DNER: variants seen among roughly 807,000 people sequenced by gnomAD.
DNER encodes the protein delta/notch like EGF repeat containing.
A neutral mutation model predicts 78.2 loss-of-function variants in DNER; 33 were observed. The observed-to-expected ratio is 0.42, with a 90% CI of 0.32 to 0.56. DNER has a LOEUF of 0.56. Among genes scored for constraint, DNER ranks in the 20% least tolerant of loss-of-function variants. The pLI is 0.11. For synonymous variants in DNER, 417 were observed against 384.8 expected (o/e 1.08, Z -0.98); for missense variants, 918 against 975.3 (o/e 0.94, Z 0.78).
chr2:229,627,711 G>A (rs1162977852), intron 1 of DNER, among the ~76,000 whole-genome samples: 2 of 152,178 alleles, frequency 1.3e-5, no homozygotes, highest in African/African-American at 4.8e-5. Flanking sequence ...AACAAGCTGT[G>A]ACCAGCAAGT....
Position 229,447,500 on chromosome 2 carries a change from G to A in DNER, c.1302C>T (p.Cys434=), listed in dbSNP as rs140576705. 1.1e-3 allele frequency: 1,732 copies of A among 1,614,160 alleles called. 16 individuals carry two copies. The African/African-American group carries it at 0.015, about 14-fold the overall frequency. The change falls in exon 8 of 13, where the codon TGC becomes TGT. Residue 434 remains cysteine (C), a synonymous_variant. Transcript: ENST00000341772. ...CGTTGTTCTGGCACGGAGACGAGGCGCAGGGGTCCACCTTTTCTTCACAAG... is the reference window on the plus strand; with the variant it reads ...CGTTGTTCTGGCACGGAGACGAGGCACAGGGGTCCACCTTTTCTTCACAAG... ...GSACEEKVDP[C]ASSPCQNNGT... is the part of the protein sequence containing the mutation.
intron 1 of DNER, among the ~76,000 whole-genome samples, chr2:229,681,081 C>A (rs1031308043): frequency 6.6e-6 from 1 of 152,206 alleles, no homozygotes; most frequent in Admixed American, 6.5e-5. Context: ...ACAACCAGCT[C>A]TCTGAGGAAG....
At chr2:229,530,815 T>A (rs1313900670) in intron 5 of DNER, among the ~76,000 whole-genome samples, 2 of 152,254 alleles carry the variant, frequency 1.3e-5, no homozygotes, top group Non-Finnish European at 1.5e-5. Flanking sequence ...ATGCTCATTA[T>A]GTGAAAGAAA....
At chr2:229,400,391 C>T (rs1693241845) in intron 10 of DNER, among the ~76,000 whole-genome samples, 1 of 151,836 alleles carries the variant, frequency 6.6e-6, no homozygotes. Context: ...CAGCTTAGCA[C>T]CCAAATCTTG....
At chr2:229,419,050 G>T (rs375398327) in intron 8 of DNER, among the ~76,000 whole-genome samples, 1 of 152,070 alleles carries the variant, frequency 6.6e-6, no homozygotes, top group Admixed American at 6.6e-5. Context: ...AAATGTGAGG[G>T]TATTTTTGTT....
intron 9 of DNER, among the ~76,000 whole-genome samples, chr2:229,417,211 G>A (rs900538972): frequency 6.6e-6 from 1 of 152,126 alleles, no homozygotes; most frequent in African/African-American, 2.4e-5. Context: ...TTGCCAAAAA[G>A]GTTACTAAAT....
At chr2:229,592,609 T>A (rs766716288) in intron 1 of DNER, among the ~76,000 whole-genome samples, 2 of 152,150 alleles carry the variant, frequency 1.3e-5, no homozygotes, top group African/African-American at 2.4e-5. Context: ...ATTATGCTCA[T>A]GGTCTGGGGA....
intron 1 of DNER, among the ~76,000 whole-genome samples, chr2:229,636,563 T>G (rs1232127035): frequency 1.3e-5 from 2 of 152,208 alleles, no homozygotes; most frequent in African/African-American, 4.8e-5. Flanking sequence ...TCCAAAAGCG[T>G]AGCTCACTAA....
chr2:229,623,589 G>T (rs914175755), intron 1 of DNER, among the ~76,000 whole-genome samples: 1 of 152,210 alleles, frequency 6.6e-6, no homozygotes, highest in African/African-American at 2.4e-5. Context: ...TGGCATTTGA[G>T]TTTCAAAACC....
chr2:229,449,459 AT>A (rs1694406956), intron 7 of DNER, among the ~76,000 whole-genome samples: 2 of 151,938 alleles, frequency 1.3e-5, no homozygotes, highest in Non-Finnish European at 2.9e-5. Flanking sequence ...GTCATTCAAT[AT>A]TTTTTTCTTA....
In DNER at chr2:229,474,171, G is replaced by T. The variant is rs538687590; in HGVS notation, c.1261+2969C>A. Among the ~76,000 whole-genome samples the T allele has an allele frequency of 4.6e-5, 7 of 152,292 alleles. No homozygotes were observed. In the East Asian group the frequency reaches 1.4e-3, roughly 29 times the overall value. Reference sequence around the variant, plus strand: ...TCCGCCCACCTTGGCCTCCCAGAGTGCTGGGATTACAGGCATAAGCCACCA... The same window carrying T: ...TCCGCCCACCTTGGCCTCCCAGAGTTCTGGGATTACAGGCATAAGCCACCA... On this transcript the variant is annotated intron_variant, in intron 7 of 12. Transcript: ENST00000341772.
chr2:229,537,256 CT>C (rs1200045212), intron 5 of DNER, among the ~76,000 whole-genome samples: 1 of 152,198 alleles, frequency 6.6e-6, no homozygotes, highest in African/African-American at 2.4e-5. Flanking sequence ...AAATGTATTT[CT>C]ACCTGCTGCC....
At chr2:229,706,118 A>G (rs754886004) in intron 1 of DNER, among the ~76,000 whole-genome samples, 4 of 152,194 alleles carry the variant, frequency 2.6e-5, no homozygotes, top group Admixed American at 1.3e-4. Flanking sequence ...GAAGAGAACA[A>G]GAGGAAAAGG....
intron 7 of DNER, among the ~76,000 whole-genome samples, chr2:229,471,239 C>A (rs1694919436): frequency 6.6e-6 from 1 of 152,050 alleles, no homozygotes; most frequent in Non-Finnish European, 1.5e-5. Context: ...TGAGAGATAA[C>A]TTTTATGACA....
At chr2:229,434,375 T>C (rs1694077211) in intron 8 of DNER, among the ~76,000 whole-genome samples, 1 of 152,222 alleles carries the variant, frequency 6.6e-6, no homozygotes, top group Non-Finnish European at 1.5e-5. Flanking sequence ...CACCTTCCAC[T>C]TGGCCACTAT....
At chr2:229,537,868 T>C in intron 5 of DNER, among the ~76,000 whole-genome samples, 1 of 152,214 alleles carries the variant, frequency 6.6e-6, no homozygotes, top group East Asian at 1.9e-4. Flanking sequence ...TAACTCGTCA[T>C]CTAGCAGAAT....
chr2:229,615,637 A>G (rs1003349310), intron 1 of DNER, among the ~76,000 whole-genome samples: 4 of 152,154 alleles, frequency 2.6e-5, no homozygotes, highest in Admixed American at 6.5e-5. Flanking sequence ...GTGTGAACCC[A>G]GGAGGCAGAG....
At position 229,459,271 on chromosome 2, in the gene DNER, C is replaced by T. The variant is rs531250885; in HGVS notation, c.1262-11731G>A. Reference sequence around the variant, plus strand: ...AATTCTAATTGATAAATTATGTCAGCGCAATCAAGTAAGTAGCTCTTATAT... The same window carrying T: ...AATTCTAATTGATAAATTATGTCAGTGCAATCAAGTAAGTAGCTCTTATAT... On this transcript the variant is annotated intron_variant, in intron 7 of 12. Transcript: ENST00000341772. Among the ~76,000 whole-genome samples, 24 of 152,092 alleles carry T rather than the reference C, an allele frequency of 1.6e-4. No homozygotes were observed. The South Asian group carries it at 4.4e-3, about 28-fold the overall frequency.
intron 12 of DNER, among the ~76,000 whole-genome samples, chr2:229,359,433 G>C (rs9653373): frequency 6.6e-6 from 1 of 151,996 alleles, no homozygotes; most frequent in South Asian, 2.1e-4. Context: ...CAACTTCTGG[G>C]TGGTCTCTTC....
Sources: allele counts gnomAD v4.1 joint callset (sites outside exome capture counted in the v4.1 genomes callset), GRCh38; gene constraint gnomAD v4.1.1; transcripts MANE v1.5; gene names NCBI Gene and HGNC (gene_info 2026-07-23, HGNC 2026-07-21).